Variants in ZMYND8 observed in about 807,000 individuals in gnomAD.
ZMYND8 encodes zinc finger MYND-type containing 8.
ZMYND8 carries 37 observed loss-of-function variants against 140.8 expected under a neutral mutation model. That is an observed-to-expected ratio of 0.26 (90% confidence interval 0.20 to 0.35). The LOEUF is 0.35. ZMYND8 is among the 10% of genes least tolerant of loss of function. ZMYND8 has a pLI of 1.00. For synonymous variants in ZMYND8, 592 were observed against 597.1 expected, an observed-to-expected ratio of 0.99 and a Z score of 0.12; for missense variants, 1,068 against 1,570.0, an observed-to-expected ratio of 0.68 and a Z score of 5.40.
intron 16 of ZMYND8, among the ~76,000 whole-genome samples, chr20:47,231,028 G>A (rs1204067247): frequency 6.6e-6 from 1 of 152,152 alleles, no homozygotes; most frequent in Non-Finnish European, 1.5e-5. Context: ...TACAGATATG[G>A]CTGGTTTGTC....
rs7268137 is a variant in ZMYND8 at position 47,310,355 on chromosome 20, C to T, written c.86-151G>A. The stretch of plus-strand genomic sequence containing the variant: ...TCAGTGTTCCTCCTCCCAGAATATA[C>T]GTGCCCCCTTCTTCACTGTCTGCTT... On this transcript the variant is annotated intron_variant, in intron 2 of 22. Transcript: ENST00000471951. 1.7e-3 allele frequency: 1,371 copies of T among 800,514 alleles called. 11 individuals are homozygous for T. In the African/African-American group the frequency reaches 0.019, roughly 11 times the overall value. 49.6% of individuals were successfully genotyped at this position (800,514 alleles called of 1,614,324 possible). A position where few individuals can be genotyped will look rare whatever the true frequency, so the allele number is the denominator to read the frequency against.
At chr20:47,293,890 TAGTG>T (rs1347941333) in intron 5 of ZMYND8, among the ~76,000 whole-genome samples, 3 of 152,200 alleles carry the variant, frequency 2.0e-5, no homozygotes, top group Admixed American at 1.3e-4. Context: ...GTTCTCGTGA[TAGTG>T]AGTGAGTTCT....
chr20:47,340,855 A>G (rs1033554507), intron 2 of ZMYND8, among the ~76,000 whole-genome samples: 1 of 152,134 alleles, frequency 6.6e-6, no homozygotes, highest in Non-Finnish European at 1.5e-5. Context: ...AGTAACAAAT[A>G]AGAAAATACA....
At chr20:47,351,523 C>G (rs768887571) in intron 1 of ZMYND8, among the ~76,000 whole-genome samples, 13 of 152,106 alleles carry the variant, frequency 8.5e-5, no homozygotes, top group Non-Finnish European at 1.8e-4. Flanking sequence ...ACTTTTCATT[C>G]AAAATACCAA....
intron 11 of ZMYND8, among the ~76,000 whole-genome samples, chr20:47,268,308 T>G (rs6066258): frequency 7.0e-6 from 1 of 143,408 alleles, no homozygotes; most frequent in Non-Finnish European, 1.5e-5. Flanking sequence ...TTTTTTTTTT[T>G]TTCAGAAGGG....
intron 15 of ZMYND8, among the ~76,000 whole-genome samples, chr20:47,236,895 G>C (rs2039307067): frequency 6.6e-6 from 1 of 152,154 alleles, no homozygotes. Flanking sequence ...ACTTCATGAA[G>C]TGCCCGTTAG....
chr20:47,343,227 A>G (rs1039537667), intron 2 of ZMYND8, among the ~76,000 whole-genome samples: 12 of 152,042 alleles, frequency 7.9e-5, no homozygotes, highest in Non-Finnish European at 4.4e-5. Context: ...CAAGGCTGCA[A>G]TGAGCTGTGA....
intron 3 of ZMYND8, among the ~76,000 whole-genome samples, chr20:47,300,930 G>GTGTA (rs1556094525): frequency 0.041 from 5,779 of 141,316 alleles, 195 homozygotes; most frequent in Non-Finnish European, 0.052. Context: ...GTGTGTGTGT[G>GTGTA]TGTGTTTTGT....
chr20:47,276,867 G>A (rs1367201979), intron 10 of ZMYND8, 72 bp from the exon 11 acceptor site: 6 of 1,321,592 alleles, frequency 4.5e-6, no homozygotes, highest in Non-Finnish European at 4.0e-6. Flanking sequence ...TTCTTGATGT[G>A]AACCAAATTA....
chr20:47,324,305 T>A (rs1352209563), intron 2 of ZMYND8, among the ~76,000 whole-genome samples: 3 of 151,066 alleles, frequency 2.0e-5, no homozygotes, highest in African/African-American at 7.3e-5. Context: ...TCACCTGAAG[T>A]CAGGAGTTCG....
chr20:47,352,951 T>A (rs976407685), intron 1 of ZMYND8: 1 of 152,234 alleles, frequency 6.6e-6, no homozygotes, highest in Admixed American at 6.5e-5. Context: ...ATTCCCTTTT[T>A]AAATCTCTGC....
chr20:47,309,629 T>G (rs1478931456), intron 3 of ZMYND8, among the ~76,000 whole-genome samples: 1 of 151,922 alleles, frequency 6.6e-6, no homozygotes, highest in African/African-American at 2.4e-5. Context: ...ATTTTACAGA[T>G]GAGAAAACTG....
intron 2 of ZMYND8, among the ~76,000 whole-genome samples, chr20:47,316,969 G>A (rs2079452939): frequency 6.6e-6 from 1 of 152,080 alleles, no homozygotes. Flanking sequence ...GAGGGCCAGA[G>A]CAGTACTGGG....
rs138675886 is a variant in ZMYND8 at position 47,289,828 on chromosome 20, G to C, written c.748+359C>G. 3.5e-3 allele frequency among the ~76,000 whole-genome samples: 539 copies of C among 152,350 alleles called. 3 individuals carry two copies. The highest frequency in any genetic ancestry group is 0.012 in the African/African-American group (517 of 41,582). ...GAGTGGGTTTCCTAGAAAATGGCAT[G>C]TATGAGAATCCAACAGGCTGATAGG... On this transcript the variant is annotated intron_variant, in intron 7 of 22. Transcript: ENST00000471951.
intron 16 of ZMYND8, among the ~76,000 whole-genome samples, chr20:47,235,172 A>C (rs571503839): frequency 2.6e-5 from 4 of 152,346 alleles, no homozygotes; most frequent in Admixed American, 1.3e-4. Context: ...ATAATAATTG[A>C]AGCCAATAAA....
At position 47,313,466 on chromosome 20, in the gene ZMYND8, C is replaced by CA. The variant is rs1269900882; in HGVS notation, c.86-3263dup. Among the ~76,000 whole-genome samples the CA allele has an allele frequency of 5.5e-4, 83 of 151,578 alleles. 1 individual carries two copies. Among genetic ancestry groups the CA allele is most frequent in the African/African-American group, 1.9e-3 (78 of 41,378 alleles). Reference sequence around the variant, plus strand: ...TGAAACCCCGTCTCTACCAAAAATACAAAAAATTAGCCGGGCGTGGTGGCG... The same window carrying CA: ...TGAAACCCCGTCTCTACCAAAAATACAAAAAAATTAGCCGGGCGTGGTGGCG... On this transcript the variant is annotated intron_variant, in intron 2 of 22. Coordinates refer to ENST00000471951, the MANE Select transcript of ZMYND8 (RefSeq NM_001281775.3).
At chr20:47,284,067 C>T (rs1027109972) in intron 8 of ZMYND8, among the ~76,000 whole-genome samples, 2 of 152,086 alleles carry the variant, frequency 1.3e-5, no homozygotes, top group Admixed American at 6.6e-5. Flanking sequence ...AGATTACAGG[C>T]GTGCATCACC....
intron 2 of ZMYND8, chr20:47,318,727 C>G: frequency 2.2e-6 from 1 of 462,070 alleles, no homozygotes; most frequent in Middle Eastern, 3.2e-4. Flanking sequence ...GCTGAGCCCT[C>G]TCCTCCAGAG....
Position 47,298,276 on chromosome 20 carries a change from C to T in ZMYND8, c.453+453G>A. On this transcript the variant is annotated intron_variant, in intron 4 of 22. Transcript: ENST00000471951. The surrounding 1 kb of genome is among the most constrained non-coding windows in gnomAD (Gnocchi z 5.0). Reference sequence around the variant, plus strand: ...GAAATACTTGTTGCACAAAAGAAAGCACCAGACGGCCACTACAGGGAACAT... The same window carrying T: ...GAAATACTTGTTGCACAAAAGAAAGTACCAGACGGCCACTACAGGGAACAT... 1 of 985,332 alleles carries T rather than the reference C, an allele frequency of 1.0e-6. No individual in the cohort carries two copies. Among genetic ancestry groups the T allele is most frequent in the East Asian group, 1.1e-4 (1 of 8,818 alleles). The allele number at this position is 985,332 out of a possible 1,614,324, so 61.0% of individuals were successfully genotyped here.
Sources: gnomAD v4.1 joint callset for allele counts (sites outside exome capture counted in the v4.1 genomes callset) on GRCh38, gnomAD v4.1.1 for gene constraint, Gnocchi (gnomAD v3.1) non-coding constraint, MANE v1.5 for transcripts, NCBI Gene and HGNC (gene_info 2026-07-23, HGNC 2026-07-21) for gene names.